Variants in AGAP1 observed in about 807,000 individuals in gnomAD.
AGAP1 encodes the protein ArfGAP with GTPase domain, ankyrin repeat and PH domain 1.
AGAP1 carries 29 observed loss-of-function variants against 105.3 expected under a neutral mutation model. That is an observed-to-expected ratio of 0.28 (90% CI 0.21 to 0.38). The LOEUF (loss-of-function observed/expected upper bound fraction) is 0.38, where lower values mean the gene tolerates loss of function less well. Among genes scored for constraint, AGAP1 ranks in the 10% least tolerant of loss-of-function variants. The probability of loss-of-function intolerance (pLI) is 1.00; values close to 1 mark genes in which losing one functional copy is unlikely to be tolerated. For synonymous variants in AGAP1, 509 were observed against 485.9 expected (o/e 1.05, Z -0.63); for missense variants, 998 against 1,165.1 (o/e 0.86, Z 2.09).
chr2:235,820,111 G>A (rs1414421597), intron 9 of AGAP1, among the ~76,000 whole-genome samples: 1 of 151,968 alleles, frequency 6.6e-6, no homozygotes, highest in African/African-American at 2.4e-5. Flanking sequence ...CCATGTTCAG[G>A]CCGGTCTTCA....
At chr2:235,759,255 A>G (rs866858395) in intron 6 of AGAP1, among the ~76,000 whole-genome samples, 33 of 131,502 alleles carry the variant, frequency 2.5e-4, no homozygotes, top group Non-Finnish European at 3.9e-4. Flanking sequence ...TGCAAGCTCC[A>G]CCTCCTGGGT....
intron 1 of AGAP1, among the ~76,000 whole-genome samples, chr2:235,528,918 A>G (rs1368315014): frequency 6.6e-6 from 1 of 152,090 alleles, no homozygotes; most frequent in Non-Finnish European, 1.5e-5. Flanking sequence ...TCAGGTGATC[A>G]GCTCACCTCG....
chr2:236,007,562 G>A (rs556625440), intron 13 of AGAP1, among the ~76,000 whole-genome samples: 6 of 152,294 alleles, frequency 3.9e-5, no homozygotes, highest in African/African-American at 1.4e-4. Context: ...ACTGGCCATT[G>A]CCTTTGAAAT....
intron 1 of AGAP1, among the ~76,000 whole-genome samples, chr2:235,579,335 A>T (rs933850785): frequency 6.6e-6 from 1 of 152,220 alleles, no homozygotes; most frequent in Non-Finnish European, 1.5e-5. Context: ...TGAGGTCTCC[A>T]GCCTTTTTGT....
In AGAP1 at chr2:235,930,517, G is replaced by A. The variant is rs1182522407; in HGVS notation, c.1325-248G>A. ...TTGCGTCTTTGTATAGGGTTGTTCG[G>A]TGCGAGCCATCTGTGGCATCGGGTC... is the stretch of plus-strand genomic sequence containing the variant. On this transcript the variant is annotated intron_variant, in intron 11 of 17. Coordinates refer to ENST00000304032, the MANE Select transcript of AGAP1 (RefSeq NM_001037131.3). The surrounding 1 kb of genome is among the most constrained non-coding windows in gnomAD (Gnocchi z 7.9). 6.6e-6 allele frequency among the ~76,000 whole-genome samples: 1 copy of A among 152,172 alleles called. No individual in the cohort carries two copies. Among genetic ancestry groups the A allele is most frequent in the Admixed American group, 6.5e-5 (1 of 15,278 alleles).
chr2:235,588,604 G>A (rs1431712970), intron 1 of AGAP1, among the ~76,000 whole-genome samples: 3 of 152,124 alleles, frequency 2.0e-5, no homozygotes, highest in Non-Finnish European at 4.4e-5. Context: ...GAGTTTTTAA[G>A]AAATTATACC....
chr2:235,613,289 C>G (rs1004925929), intron 1 of AGAP1, among the ~76,000 whole-genome samples: 3 of 152,182 alleles, frequency 2.0e-5, no homozygotes, highest in African/African-American at 7.2e-5. Context: ...TGCCACTGCA[C>G]CCGGCCACAT....
chr2:235,911,530 G>T (rs1438203347), intron 11 of AGAP1, among the ~76,000 whole-genome samples: 1 of 152,232 alleles, frequency 6.6e-6, no homozygotes, highest in Admixed American at 6.5e-5. Flanking sequence ...TGAGATTTAT[G>T]TTCCTTGGAG....
At chr2:235,765,625 G>A (rs1364137236) in intron 6 of AGAP1, among the ~76,000 whole-genome samples, 2 of 152,070 alleles carry the variant, frequency 1.3e-5, no homozygotes, top group African/African-American at 2.4e-5. Flanking sequence ...CTAAATGTTC[G>A]GCAGCACTTT....
rs537588787 is a variant in AGAP1, at chr2:235,532,525, G to A, written c.163+37676G>A. ...CTGCCCTACCTTTGTGTTTTACGAGGGTTGTATATGTATCACATATGCAGT... is the reference window on the plus strand; with the variant it reads ...CTGCCCTACCTTTGTGTTTTACGAGAGTTGTATATGTATCACATATGCAGT... On this transcript the variant is annotated intron_variant, in intron 1 of 17. Transcript: ENST00000304032. Among the ~76,000 whole-genome samples, 4 of 152,248 alleles carry A rather than the reference G, an allele frequency of 2.6e-5. No individual in the cohort carries two copies. The East Asian group carries it at 7.7e-4, about 29-fold the overall frequency.
Position 236,042,498 on chromosome 2 carries a change from A to T in AGAP1, c.1891+1657A>T, listed in dbSNP as rs1251211061. Among the ~76,000 whole-genome samples, 1 of 152,246 alleles carries T rather than the reference A, an allele frequency of 6.6e-6. No homozygotes were observed. Among genetic ancestry groups the T allele is most frequent in the African/African-American group, 2.4e-5 (1 of 41,470 alleles). Reference sequence around the variant, plus strand: ...AAGCAGTTATTTGAAGTGTGTTTCTATCAAAAAGTTTTAAAAGTAAGAGCT... The same window carrying T: ...AAGCAGTTATTTGAAGTGTGTTTCTTTCAAAAAGTTTTAAAAGTAAGAGCT... On this transcript the variant is annotated intron_variant, in intron 15 of 17. Coordinates refer to ENST00000304032, the MANE Select transcript of AGAP1 (RefSeq NM_001037131.3). The surrounding 1 kb of genome is among the most constrained non-coding windows in gnomAD (Gnocchi z 5.6).
chr2:236,108,035 C>G (rs7588570), intron 16 of AGAP1, among the ~76,000 whole-genome samples: 10,688 of 152,308 alleles, frequency 0.07, 1,238 homozygotes, highest in African/African-American at 0.24. Context: ...ACTGCCTCCT[C>G]CTCCCCGCAT....
Position 235,566,557 on chromosome 2 carries a change from T to C in AGAP1, c.163+71708T>C. The C allele has an allele frequency of 1.0e-6, 1 of 985,258 alleles. No individual in the cohort carries two copies. Among genetic ancestry groups the C allele is most frequent in the Non-Finnish European group, 1.2e-6 (1 of 829,790 alleles). 61.0% of individuals were successfully genotyped at this position (985,258 alleles called of 1,614,324 possible). On this transcript the variant is annotated intron_variant, in intron 1 of 17. Coordinates refer to ENST00000304032, the MANE Select transcript of AGAP1 (RefSeq NM_001037131.3). This position sits in a 1 kb window ranked among gnomAD's most constrained non-coding sequence, Gnocchi z 5.2. ...GTACGTTTTGGCCAGCACTTTATTT[T>C]ATGGAACAGAGGACTAGATGACCAG...
intron 12 of AGAP1, among the ~76,000 whole-genome samples, chr2:235,966,860 G>A (rs575947984): frequency 7.9e-5 from 12 of 152,276 alleles, no homozygotes; most frequent in African/African-American, 2.4e-4. Context: ...GGCCAGGAAC[G>A]TACATCAGGG....
At chr2:235,607,225 C>A (rs1287336550) in intron 1 of AGAP1, among the ~76,000 whole-genome samples, 1 of 152,138 alleles carries the variant, frequency 6.6e-6, no homozygotes, top group East Asian at 1.9e-4. Context: ...TGCCCCTAGA[C>A]CATGCAGGGG....
rs577763405 is a variant in AGAP1 at position 236,035,059 on chromosome 2, G to A, written c.1646-1502G>A. On this transcript the variant is annotated intron_variant, in intron 13 of 17. Coordinates refer to ENST00000304032, the MANE Select transcript of AGAP1 (RefSeq NM_001037131.3). The surrounding 1 kb of genome is among the most constrained non-coding windows in gnomAD (Gnocchi z 4.2). Reference sequence around the variant, plus strand: ...AGGCTGCAGGCGCATTGTGAGGAAGGGCCTGGGAGAGCCAGTCTAGGTGAG... The same window carrying A: ...AGGCTGCAGGCGCATTGTGAGGAAGAGCCTGGGAGAGCCAGTCTAGGTGAG... Among the ~76,000 whole-genome samples the A allele has an allele frequency of 6.6e-6, 1 of 152,326 alleles. No homozygotes were observed. Among genetic ancestry groups the A allele is most frequent in the East Asian group, 1.9e-4 (1 of 5,178 alleles).
intron 13 of AGAP1, among the ~76,000 whole-genome samples, chr2:235,997,656 C>A (rs967630302): frequency 2.0e-5 from 3 of 152,230 alleles, no homozygotes; most frequent in East Asian, 1.9e-4. Context: ...TAAGAAGAAG[C>A]GGTTTTGAGA....
Position 235,601,539 on chromosome 2 carries a change from C to G in AGAP1, c.163+106690C>G, listed in dbSNP as rs2316907. ...GGGCAGGCAAGAGAGCTTGCTCAGG[C>G]GAACTCCCGTTTATAAAACCATCAG... On this transcript the variant is annotated intron_variant, in intron 1 of 17. Coordinates refer to ENST00000304032, the MANE Select transcript of AGAP1 (RefSeq NM_001037131.3). The surrounding 1 kb of genome is among the most constrained non-coding windows in gnomAD (Gnocchi z 4.4). Among the ~76,000 whole-genome samples, 63,473 of 151,808 alleles carry G rather than the reference C, an allele frequency of 0.42. 17,129 individuals carry two copies. The highest frequency in any genetic ancestry group is 0.77 in the African/African-American group (31,782 of 41,494).
At position 235,736,307 on chromosome 2, in the gene AGAP1, G is replaced by A. The variant is rs1027893154; in HGVS notation, c.311-4656G>A. 6.6e-6 allele frequency among the ~76,000 whole-genome samples: 1 copy of A among 152,066 alleles called. No homozygotes were observed. Among genetic ancestry groups the A allele is most frequent in the Non-Finnish European group, 1.5e-5 (1 of 68,024 alleles). On this transcript the variant is annotated intron_variant, in intron 3 of 17. Transcript: ENST00000304032. The surrounding 1 kb of genome is among the most constrained non-coding windows in gnomAD (Gnocchi z 5.5). ...CTGGGCCAGATGCATGTCTGACAGG[G>A]ACATCAGGTTTGGGGAGACTGAAAA...
Sources: gnomAD v4.1 joint callset for allele counts (sites outside exome capture counted in the v4.1 genomes callset) on GRCh38, gnomAD v4.1.1 for gene constraint, Gnocchi (gnomAD v3.1) non-coding constraint, MANE v1.5 for transcripts, NCBI Gene and HGNC (gene_info 2026-07-23, HGNC 2026-07-21) for gene names.